SPMAP2L: variants seen among roughly 807,000 people sequenced by gnomAD.
SPMAP2L encodes sperm microtubule associated protein 2 like, also known as sperm microtubule associated protein 2-like.
the SPMAP2L span, among the ~76,000 whole-genome samples, chr4:56,622,554 A>G: frequency 2.0e-5 from 3 of 152,360 alleles, no homozygotes; most frequent in South Asian, 6.2e-4. Flanking sequence ...GGTGTTTAAC[A>G]AAGTGCTTTA....
chr4:56,558,214 T>C, the SPMAP2L span, among the ~76,000 whole-genome samples: 9 of 152,284 alleles, frequency 5.9e-5, no homozygotes, highest in Non-Finnish European at 1.0e-4. Flanking sequence ...GTGATCCACC[T>C]GCCTTGGCCT....
At chr4:56,594,106 T>C in the SPMAP2L span, 13 of 1,607,392 alleles carry the variant, frequency 8.1e-6, no homozygotes, top group African/African-American at 1.2e-4. Context: ...ATCTGGACGA[T>C]TTGTTGCGGA....
At chr4:56,604,611 T>TG in the SPMAP2L span, among the ~76,000 whole-genome samples, 15 of 151,734 alleles carry the variant, frequency 9.9e-5, no homozygotes, top group South Asian at 3.1e-3. Context: ...TGAGCCGAGA[T>TG]TGCACCACTG....
the SPMAP2L span, among the ~76,000 whole-genome samples, chr4:56,535,903 G>GT: frequency 6.6e-6 from 1 of 152,206 alleles, no homozygotes; most frequent in South Asian, 2.1e-4. Context: ...GTGGAAGACA[G>GT]TTTTTTCAAG....
At chr4:56,624,971 G>A in the SPMAP2L span, among the ~76,000 whole-genome samples, 10 of 152,244 alleles carry the variant, frequency 6.6e-5, no homozygotes, top group South Asian at 1.9e-3. Context: ...AGCTTGTACT[G>A]TGCACCTGGA....
the SPMAP2L span, among the ~76,000 whole-genome samples, chr4:56,559,799 C>T: frequency 0.95 from 145,028 of 152,126 alleles, 69,214 homozygotes; most frequent in Middle Eastern, 0.97. Flanking sequence ...GAGCTCCTGA[C>T]ATTGTGACCT....
the SPMAP2L span, among the ~76,000 whole-genome samples, chr4:56,587,709 A>C: frequency 2.0e-5 from 3 of 151,838 alleles, no homozygotes; most frequent in Non-Finnish European, 4.4e-5. Flanking sequence ...TTCTTTATCC[A>C]CTTGTTGATT....
At chr4:56,614,224 C>G in the SPMAP2L span, among the ~76,000 whole-genome samples, 1 of 152,146 alleles carries the variant, frequency 6.6e-6, no homozygotes, top group South Asian at 2.1e-4. Flanking sequence ...GGAATACTTT[C>G]AGGATAGTAA....
At chr4:56,552,755 G>T in the SPMAP2L span, 2 of 608,280 alleles carry the variant, frequency 3.3e-6, no homozygotes, top group South Asian at 4.2e-5. Flanking sequence ...CATGTAAAAG[G>T]CTAACCCTTG....
At chr4:56,591,218 G>C in the SPMAP2L span, among the ~76,000 whole-genome samples, 1 of 152,110 alleles carries the variant, frequency 6.6e-6, no homozygotes, top group Admixed American at 6.6e-5. Context: ...TTAAAAGTGT[G>C]TAGCACCTTC....
At chr4:56,624,407 GA>G in the SPMAP2L span, among the ~76,000 whole-genome samples, 1 of 152,224 alleles carries the variant, frequency 6.6e-6, no homozygotes, top group Non-Finnish European at 1.5e-5. Flanking sequence ...GCCAGCTGCA[GA>G]AATTTGCATA....
the SPMAP2L span, among the ~76,000 whole-genome samples, chr4:56,618,018 G>A: frequency 3.3e-5 from 5 of 152,096 alleles, no homozygotes; most frequent in South Asian, 2.1e-4. Context: ...ACATCCAGCC[G>A]CTTGTGTCTC....
the SPMAP2L span, among the ~76,000 whole-genome samples, chr4:56,554,571 C>T: frequency 6.6e-6 from 1 of 152,174 alleles, no homozygotes; most frequent in Non-Finnish European, 1.5e-5. Flanking sequence ...AGTCCTTTAT[C>T]AGATACTTGT....
chr4:56,594,916 C>T, the SPMAP2L span: 2 of 1,611,778 alleles, frequency 1.2e-6, no homozygotes, highest in Non-Finnish European at 1.7e-6. Flanking sequence ...TAAATCTTCA[C>T]AAGACCTTCT....
the SPMAP2L span, among the ~76,000 whole-genome samples, chr4:56,620,520 G>A: frequency 1.3e-5 from 2 of 152,032 alleles, no homozygotes; most frequent in East Asian, 1.9e-4. Context: ...CGAGTAGCTG[G>A]GATTACAGGC....
chr4:56,620,229 C>A, the SPMAP2L span, among the ~76,000 whole-genome samples: 3 of 152,310 alleles, frequency 2.0e-5, 1 homozygote, highest in South Asian at 6.2e-4. Flanking sequence ...CAGAATGAAA[C>A]CTCTCTAAAT....
chr4:56,588,260 TG>T, the SPMAP2L span, among the ~76,000 whole-genome samples: 981 of 152,306 alleles, frequency 6.4e-3, 16 homozygotes, highest in South Asian at 0.064. Flanking sequence ...TCCCACTCTG[TG>T]GGTTGTCTGT....
the SPMAP2L span, among the ~76,000 whole-genome samples, chr4:56,609,399 G>A: frequency 5.3e-5 from 8 of 152,192 alleles, no homozygotes; most frequent in South Asian, 6.2e-4. Flanking sequence ...AGCTGGAGGG[G>A]GAGTTTGCTT....
the SPMAP2L span, among the ~76,000 whole-genome samples, chr4:56,556,325 G>A: frequency 6.6e-6 from 1 of 152,194 alleles, no homozygotes; most frequent in South Asian, 2.1e-4. Context: ...AGTGACAAAT[G>A]AATTATAGAA....
Sources: allele counts gnomAD v4.1 joint callset (sites outside exome capture counted in the v4.1 genomes callset), GRCh38; gene constraint gnomAD v4.1.1; transcripts MANE v1.5; gene names NCBI Gene and HGNC (gene_info 2026-07-23, HGNC 2026-07-21).